The following CTNNA3 variants were observed in gnomAD, a reference collection of about 807,000 sequenced individuals.
The protein encoded by CTNNA3 is catenin alpha 3.
Under a neutral mutation model 95.7 loss-of-function variants are expected in CTNNA3, and 76 were observed. The ratio of observed to expected loss-of-function variants is 0.79; its 90% CI spans 0.66 to 0.96. CTNNA3 has a LOEUF of 0.96. Among genes scored for constraint, CTNNA3 ranks in the 40% least tolerant of loss-of-function variants. CTNNA3 has a pLI of 0.00. For synonymous variants in CTNNA3, 431 were observed against 374.4 expected (o/e 1.15, Z -1.74); for missense variants, 1,191 against 1,089.8 (o/e 1.09, Z -1.31).
chr10:67,065,949 A>T lies in CTNNA3; in HGVS notation c.1047+114368T>A, dbSNP rs1358849673. On this transcript the variant is annotated intron_variant, in intron 7 of 17. Transcript: ENST00000433211. ...ATCAGGCTGCCATTCAAAAAAAAAA[A>T]ATATGCCACCAAGTATACAGATGTC... Among the ~76,000 whole-genome samples the T allele has an allele frequency of 2.6e-5, 4 of 152,118 alleles. No individual in the cohort carries two copies. The East Asian group carries it at 5.8e-4, about 22-fold the overall frequency.
intron 10 of CTNNA3, among the ~76,000 whole-genome samples, chr10:66,553,228 G>A (rs903388000): frequency 6.6e-6 from 1 of 151,840 alleles, no homozygotes; most frequent in African/African-American, 2.4e-5. Context: ...AAATGAGTCT[G>A]ACAAACTTTG....
chr10:67,093,852 C>G (rs914947025), intron 7 of CTNNA3, among the ~76,000 whole-genome samples: 3 of 151,934 alleles, frequency 2.0e-5, no homozygotes, highest in African/African-American at 7.2e-5. Context: ...GGCACTAACA[C>G]AAATTGTCAT....
At chr10:66,470,903 A>G (rs1839104724) in intron 11 of CTNNA3, among the ~76,000 whole-genome samples, 1 of 151,936 alleles carries the variant, frequency 6.6e-6, no homozygotes, top group African/African-American at 2.4e-5. Flanking sequence ...GACAATTTCA[A>G]GAAACTTGTA....
chr10:67,521,772 C>A, intron 5 of CTNNA3, 70 bp downstream of exon 5: 1 of 1,560,566 alleles, frequency 6.4e-7, no homozygotes, highest in Non-Finnish European at 8.7e-7. Flanking sequence ...CCACCTGCAC[C>A]TCTGACAGGC....
chr10:67,339,105 G>A (rs1482070986), intron 5 of CTNNA3, among the ~76,000 whole-genome samples: 1 of 152,142 alleles, frequency 6.6e-6, no homozygotes, highest in Non-Finnish European at 1.5e-5. Context: ...AAAAATCCTT[G>A]GAGAGGCTCT....
intron 3 of CTNNA3, among the ~76,000 whole-genome samples, chr10:67,567,255 CAA>C (rs57832662): frequency 0.15 from 20,444 of 135,408 alleles, 3,103 homozygotes; most frequent in African/African-American, 0.4. Flanking sequence ...GAGAAAATGG[CAA>C]AAAAAAAAAA....
intron 16 of CTNNA3, among the ~76,000 whole-genome samples, chr10:65,974,015 G>A (rs913755389): frequency 6.6e-6 from 1 of 152,142 alleles, no homozygotes; most frequent in Non-Finnish European, 1.5e-5. Flanking sequence ...AATAATCATA[G>A]AAATGCAAAT....
intron 7 of CTNNA3, among the ~76,000 whole-genome samples, chr10:67,157,217 A>AAC (rs146850863): frequency 7.2e-5 from 11 of 151,890 alleles, no homozygotes; most frequent in South Asian, 4.2e-4. Context: ...CACACATGCA[A>AAC]ACACACACAC....
chr10:66,595,827 A>ATTTATTTT (rs1366513536), intron 10 of CTNNA3, among the ~76,000 whole-genome samples: 262 of 151,598 alleles, frequency 1.7e-3, no homozygotes, highest in African/African-American at 5.7e-3. Flanking sequence ...TTATTTATTT[A>ATTTATTTT]TTTGTAGAGA....
At chr10:67,399,207 T>C (rs1490517037) in intron 5 of CTNNA3, among the ~76,000 whole-genome samples, 1 of 152,078 alleles carries the variant, frequency 6.6e-6, no homozygotes, top group Non-Finnish European at 1.5e-5. Context: ...GCTTTTATTT[T>C]TTAAAATCTA....
intron 7 of CTNNA3, among the ~76,000 whole-genome samples, chr10:67,148,291 T>C (rs1418571122): frequency 1.3e-5 from 2 of 152,166 alleles, no homozygotes; most frequent in African/African-American, 4.8e-5. Context: ...AAAGGAAATA[T>C]ATTTCCTGAA....
Position 66,069,356 on chromosome 10 carries a change from A to G in CTNNA3, c.2111T>C (p.Leu704Pro). Residue 704 changes from leucine (L) to proline (P), a missense_variant, in exon 15 of 18, where the codon CTG becomes CCG. Leu to Pro is a moderately conservative substitution (Grantham distance 98). Coordinates refer to ENST00000433211, the MANE Select transcript of CTNNA3 (RefSeq NM_013266.4). Reference protein sequence around the residue: ...WDDTSNDIIVLAKNMCMIMME... With the variant: ...WDDTSNDIIVPAKNMCMIMME... ...CATGATCATACACATGTTCTTGGCC[A>G]GAACAATGATGTCGTTGCTTGTATC... The G allele has an allele frequency of 6.2e-7, 1 of 1,613,720 alleles. No homozygotes were observed. Among genetic ancestry groups the G allele is most frequent in the East Asian group, 2.2e-5 (1 of 44,832 alleles).
rs1204351413 is a variant in CTNNA3 at position 66,763,337 on chromosome 10, C to CAGAGAGAGAGAG, written c.1281+2926_1281+2927insCTCTCTCTCTCT. Among the ~76,000 whole-genome samples, 859 of 126,564 alleles carry CAGAGAGAGAGAG rather than the reference C, an allele frequency of 6.8e-3. 6 individuals carry two copies. The highest frequency in any genetic ancestry group is 0.04 in the East Asian group (134 of 3,344). 83.0% of individuals were successfully genotyped at this position (126,564 alleles called of 152,430 possible). On this transcript the variant is annotated intron_variant, in intron 9 of 17. Coordinates refer to ENST00000433211, the MANE Select transcript of CTNNA3 (RefSeq NM_013266.4). Reference sequence around the variant, plus strand: ...ACACACACACACACACACACACACACACACAGAGAGAGAGAGGGAGAGAGA... The same window carrying CAGAGAGAGAGAG: ...ACACACACACACACACACACACACACAGAGAGAGAGAGACACAGAGAGAGAGAGGGAGAGAGA...
chr10:66,854,920 T>A (rs10997417), intron 7 of CTNNA3, among the ~76,000 whole-genome samples: 43,152 of 151,690 alleles, frequency 0.28, 6,872 homozygotes, highest in Non-Finnish European at 0.38. Context: ...AGTACTTTAC[T>A]TAACCTCTAA....
chr10:66,454,273 A>C (rs2093482130), intron 11 of CTNNA3, among the ~76,000 whole-genome samples: 1 of 152,176 alleles, frequency 6.6e-6, no homozygotes, highest in African/African-American at 2.4e-5. Context: ...AACAACTAAG[A>C]CTGTAACTTA....
chr10:66,520,921 TA>T (rs1554810702), intron 10 of CTNNA3, 148 bp from the exon 11 acceptor site: 1 of 266,618 alleles, frequency 3.8e-6, no homozygotes, highest in African/African-American at 2.2e-5. Flanking sequence ...ATAAAATAAA[TA>T]AAAAATATTA....
intron 5 of CTNNA3, among the ~76,000 whole-genome samples, chr10:67,297,422 C>T (rs552892078): frequency 6.6e-6 from 1 of 152,338 alleles, no homozygotes; most frequent in South Asian, 2.1e-4. Context: ...AGATGTAGTG[C>T]TCAGAGTTCA....
At chr10:66,782,949 G>A (rs1432260889) in intron 7 of CTNNA3, among the ~76,000 whole-genome samples, 2 of 152,034 alleles carry the variant, frequency 1.3e-5, no homozygotes, top group African/African-American at 4.8e-5. Context: ...ACCTTAACTA[G>A]GATGAATCAC....
intron 7 of CTNNA3, among the ~76,000 whole-genome samples, chr10:67,110,681 C>T (rs1043443805): frequency 6.6e-6 from 1 of 152,138 alleles, no homozygotes; most frequent in Admixed American, 6.5e-5. Context: ...ATTAAAACAT[C>T]TGCATAATTA....
Sources: gnomAD v4.1 joint callset for allele counts (sites outside exome capture counted in the v4.1 genomes callset) on GRCh38, gnomAD v4.1.1 for gene constraint, MANE v1.5 for transcripts, NCBI Gene and HGNC (gene_info 2026-07-23, HGNC 2026-07-21) for gene names.